The following ZNF101 variants were observed in gnomAD, a reference collection of about 807,000 sequenced individuals.
ZNF101 encodes zinc finger protein 101.
In ZNF101, 34 loss-of-function variants were observed where a neutral mutation model predicts 42.6. That is an observed-to-expected ratio of 0.80 (90% CI 0.61 to 1.06). ZNF101 has a LOEUF of 1.06. Ranked by LOEUF, ZNF101 falls within the 50% of genes least tolerant of loss-of-function variation. The pLI, the probability that ZNF101 is intolerant of heterozygous loss-of-function variation, is 0.00. For synonymous variants in ZNF101, 158 were observed against 183.9 expected (o/e 0.86, Z 1.14); for missense variants, 466 against 530.9 (o/e 0.88, Z 1.20).
intron 1 of ZNF101, among the ~76,000 whole-genome samples, chr19:19,669,409 G>A (rs1478179957): frequency 6.6e-6 from 1 of 152,196 alleles, no homozygotes; most frequent in East Asian, 1.9e-4. Context: ...TCCTCCCAGG[G>A]CTGCAGTAAA....
In ZNF101 at chr19:19,679,500, T is replaced by G; in HGVS notation, c.511T>G (p.Cys171Gly). The change falls in exon 4 of 4, where the codon TGC (cysteine) becomes GGC (glycine). Residue 171 changes from cysteine (C) to glycine (G), a missense_variant. Coordinates refer to ENST00000592502, the MANE Select transcript of ZNF101 (RefSeq NM_033204.4). ...ACCAACTCGAAAGAGACCTTATGAA[T>G]GCAAGGTGTGCGGGAAAGCCTTTAA... ...VTPTRKRPYE[C>G]KVCGKAFNSP... 6.2e-7 allele frequency: 1 copy of G among 1,614,172 alleles called. No individual in the cohort carries two copies. The highest frequency in any genetic ancestry group is 1.7e-5 in the Admixed American group (1 of 59,992).
rs558462983 is a variant in ZNF101 at position 19,679,512 on chromosome 19, G to A, written c.523G>A (p.Gly175Arg). The A allele has an allele frequency of 5.7e-5, 92 of 1,614,118 alleles. No individual in the cohort carries two copies. Among genetic ancestry groups the A allele is most frequent in the Middle Eastern group, 1.6e-4 (1 of 6,062 alleles). ...RKRPYECKVC[G>R]KAFNSPNLFQ... The stretch of plus-strand genomic sequence containing the variant: ...GAGACCTTATGAATGCAAGGTGTGC[G>A]GGAAAGCCTTTAATTCTCCCAATTT... The change falls in exon 4 of 4, where the codon GGG becomes AGG. Residue 175 changes from glycine to arginine, a missense_variant. Coordinates refer to ENST00000592502, the MANE Select transcript of ZNF101 (RefSeq NM_033204.4).
intron 1 of ZNF101, among the ~76,000 whole-genome samples, chr19:19,672,723 C>T (rs931008435): frequency 1.3e-5 from 2 of 151,910 alleles, no homozygotes; most frequent in Admixed American, 6.6e-5. Context: ...CACGGGGTTT[C>T]AACATGTTGG....
Position 19,680,086 on chromosome 19 carries a change from A to C in ZNF101, c.1097A>C (p.Tyr366Ser), listed in dbSNP as rs757507438. The C allele has an allele frequency of 6.2e-7, 1 of 1,614,202 alleles. No individual in the cohort carries two copies. The highest frequency in any genetic ancestry group is 8.5e-7 in the Non-Finnish European group (1 of 1,180,022). Reference sequence around the variant, plus strand: ...AAAACTCATAGTGGAGAAAAGCCATATGAATGTACAAGGTGTGGTAAAGCC... The same window carrying C: ...AAAACTCATAGTGGAGAAAAGCCATCTGAATGTACAAGGTGTGGTAAAGCC... ...HKKTHSGEKP[Y>S]ECTRCGKAFG... is the part of the protein sequence containing the mutation. The change falls in exon 4 of 4, where the codon TAT becomes TCT. Residue 366 changes from tyrosine to serine, a missense_variant. Transcript: ENST00000592502.
At position 19,679,586 on chromosome 19, in the gene ZNF101, T is replaced by C; in HGVS notation, c.597T>C (p.Cys199=). 1 of 1,613,972 alleles carries C rather than the reference T, an allele frequency of 6.2e-7. No individual in the cohort carries two copies. The change falls in exon 4 of 4, where the codon TGT becomes TGC. Residue 199 remains cysteine, a synonymous_variant. Coordinates refer to ENST00000592502, the MANE Select transcript of ZNF101 (RefSeq NM_033204.4). The part of the protein sequence containing the change: ...RTHTGKRSYK[C]REIVRAFTVS... Reference sequence around the variant, plus strand: ...ACACTGGAAAGAGGTCCTATAAATGTAGGGAAATAGTGAGAGCCTTCACAG... The same window carrying C: ...ACACTGGAAAGAGGTCCTATAAATGCAGGGAAATAGTGAGAGCCTTCACAG...
chr19:19,672,179 AATTT>A (rs1462009667), intron 1 of ZNF101: 4 of 148,944 alleles, frequency 2.7e-5, no homozygotes, highest in African/African-American at 4.9e-5. Flanking sequence ...TATATTTATA[AATTT>A]ATTTATTTTA....
chr19:19,683,125 G>C lies in ZNF101; in HGVS notation c.*2825G>C, dbSNP rs2062248086. ...CGGCCCATGAGTCTTTATTAATAGA[G>C]ATTTCTTACTGGTGTTATGTGGCAG... On this transcript the variant is annotated 3_prime_UTR_variant, in exon 4 of 4. Transcript: ENST00000592502. 6.6e-6 allele frequency: 1 copy of C among 152,104 alleles called. No homozygotes were observed. 9.4% of individuals were successfully genotyped at this position (152,104 alleles called of 1,614,324 possible). A position where few individuals can be genotyped will look rare whatever the true frequency, so the allele number is the denominator to read the frequency against.
At chr19:19,668,781 G>C (rs2062149008), upstream of ZNF101, 2 of 671,484 alleles carry the variant, frequency 3.0e-6, no homozygotes, top group Admixed American at 3.1e-5. Flanking sequence ...AATCAGGTGC[G>C]CCGGGAGGAG....
chr19:19,670,123 C>T (rs2062159352), intron 1 of ZNF101, among the ~76,000 whole-genome samples: 1 of 152,220 alleles, frequency 6.6e-6, no homozygotes, highest in African/African-American at 2.4e-5. Flanking sequence ...TCTGTCCTGG[C>T]GTGGTTAATC....
rs1218702421 is a variant in ZNF101 at position 19,679,864 on chromosome 19, G to A, written c.875G>A (p.Ser292Asn). The A allele has an allele frequency of 1.1e-5, 17 of 1,614,064 alleles. No homozygotes were observed. Among genetic ancestry groups the A allele is most frequent in the Non-Finnish European group, 1.4e-5 (17 of 1,179,984 alleles). Residue 292 changes from serine (S) to asparagine (N), a missense_variant, in exon 4 of 4, where the codon AGT (serine) becomes AAT (asparagine). Transcript: ENST00000592502. ...HQCQECGKKL[S>N]CSSSLHRHER... ...TGTCAGGAATGTGGGAAAAAACTCAGTTGTTCCAGTTCCCTTCACAGACAT... is the reference window on the plus strand; with the variant it reads ...TGTCAGGAATGTGGGAAAAAACTCAATTGTTCCAGTTCCCTTCACAGACAT...
At chr19:19,678,659 T>G (rs2062217820) in intron 2 of ZNF101, 67 bp from the exon 3 acceptor site, 1 of 1,399,662 alleles carries the variant, frequency 7.1e-7, no homozygotes, top group Non-Finnish European at 9.8e-7. Flanking sequence ...TTTAATGAAC[T>G]TAGAACCTAG....
In ZNF101 at chr19:19,681,382, G is replaced by A. The variant is rs2062239455; in HGVS notation, c.*1082G>A. On this transcript the variant is annotated 3_prime_UTR_variant, in exon 4 of 4. Transcript: ENST00000592502. ...AGTGCACACTGGAGATGGATGGTAT[G>A]AATCGAAGAATACACACTGGATGGA... 1 of 152,212 alleles carries A rather than the reference G, an allele frequency of 6.6e-6. No homozygotes were observed. The allele number at this position is 152,212 out of a possible 1,614,324, so 9.4% of individuals were successfully genotyped here.
chr19:19,678,755 A>C lies in ZNF101; in HGVS notation c.160A>C (p.Asn54His). 1 of 1,611,806 alleles carries C rather than the reference A, an allele frequency of 6.2e-7. No homozygotes were observed. The highest frequency in any genetic ancestry group is 8.5e-7 in the Non-Finnish European group (1 of 1,179,374). Residue 54 changes from asparagine to histidine, a missense_variant, in exon 3 of 4, where the codon AAT becomes CAT. Transcript: ENST00000592502. ...GIQWKDQDIE[N>H]LYQNLGIKLR... is the part of the protein sequence containing the mutation. ...CCAATGGAAAGACCAGGACATTGAG[A>C]ATCTGTACCAAAACCTGGGGATTAA...
chr19:19,681,037 G>C lies in ZNF101; in HGVS notation c.*737G>C, dbSNP rs111691707. On this transcript the variant is annotated 3_prime_UTR_variant, in exon 4 of 4. Transcript: ENST00000592502. The stretch of plus-strand genomic sequence containing the variant: ...AAGCTGAGGTGGGAGGAACCCTTGA[G>C]CCTGGGAGGTTGAGGCTGCAGTGAG... 2,924 of 152,204 alleles carry C rather than the reference G, an allele frequency of 0.019. 47 individuals carry two copies. Among genetic ancestry groups the C allele is most frequent in the South Asian group, 0.046 (222 of 4,816 alleles). 9.4% of individuals were successfully genotyped at this position (152,204 alleles called of 1,614,324 possible).
chr19:19,669,075 T>A, intron 1 of ZNF101, 109 bp downstream of exon 1: 1 of 1,425,568 alleles, frequency 7.0e-7, no homozygotes, highest in Non-Finnish European at 9.4e-7. Context: ...GGGACCCGAG[T>A]CCCCCAGGCG....
chr19:19,668,850 G>T lies in ZNF101; in HGVS notation c.-114G>T. ...CCCGCCGGCCCCCCATTCGGGTCCG[G>T]GTTTTAGTTCCTCGGGGAGCCCCTG... On this transcript the variant is annotated 5_prime_UTR_variant, in exon 1 of 4. Coordinates refer to ENST00000592502, the MANE Select transcript of ZNF101 (RefSeq NM_033204.4). 1 of 1,383,742 alleles carries T rather than the reference G, an allele frequency of 7.2e-7. No individual in the cohort carries two copies. Among genetic ancestry groups the T allele is most frequent in the Non-Finnish European group, 9.7e-7 (1 of 1,035,642 alleles). The allele number at this position is 1,383,742 out of a possible 1,614,324, so 85.7% of individuals were successfully genotyped here. A position where few individuals can be genotyped will look rare whatever the true frequency, so the allele number is the denominator to read the frequency against.
intron 3 of ZNF101, among the ~76,000 whole-genome samples, 184 bp from the exon 4 acceptor site, chr19:19,678,997 T>C (rs542939281): frequency 6.6e-6 from 1 of 152,348 alleles, no homozygotes; most frequent in East Asian, 1.9e-4. Flanking sequence ...TGTCACTGTT[T>C]GGATAACTGC....
Position 19,677,967 on chromosome 19 carries a change from CCTT to C in ZNF101, c.109_111del (p.Phe37del). The C allele has an allele frequency of 6.2e-7, 1 of 1,611,808 alleles. No individual in the cohort carries two copies. The highest frequency in any genetic ancestry group is 8.5e-7 in the Non-Finnish European group (1 of 1,178,678). On this transcript the variant is annotated inframe_deletion, in exon 2 of 4. Coordinates refer to ENST00000592502, the MANE Select transcript of ZNF101 (RefSeq NM_033204.4). ...CTCTACAGAGATGTGACGCTGGAAA[CCTT>C]CAGGAACCTGGCCTCGGTCGGTAAG...
At chr19:19,668,399 G>A (rs537398078), upstream of ZNF101, among the ~76,000 whole-genome samples, 4 of 152,162 alleles carry the variant, frequency 2.6e-5, no homozygotes, top group African/African-American at 9.6e-5. Context: ...CAGGTGTTGT[G>A]ACCGCATCCT....
Sources: gnomAD v4.1 joint callset for allele counts (sites outside exome capture counted in the v4.1 genomes callset) on GRCh38, gnomAD v4.1.1 for gene constraint, MANE v1.5 for transcripts, NCBI Gene and HGNC (gene_info 2026-07-23, HGNC 2026-07-21) for gene names.